The following CHST9 variants were observed in gnomAD, a reference collection of about 807,000 sequenced individuals.
CHST9 encodes the protein carbohydrate sulfotransferase 9, also known as GalNAc-4-sulfotransferase 2.
CHST9 carries 41 observed loss-of-function variants against 44.4 expected under a neutral mutation model. That is an observed-to-expected ratio of 0.92 (90% CI 0.72 to 1.20). The LOEUF is 1.20. Ranked by LOEUF, CHST9 falls within the 50% of genes most tolerant of loss-of-function variation. CHST9 has a pLI of 0.00. For synonymous variants in CHST9, 171 were observed against 178.4 expected (o/e 0.96, Z 0.33); for missense variants, 504 against 516.5 (o/e 0.98, Z 0.23).
chr18:26,982,339 CTTTTT>C (rs34211889), intron 4 of CHST9, among the ~76,000 whole-genome samples: 2 of 133,716 alleles, frequency 1.5e-5, no homozygotes, highest in Admixed American at 7.6e-5. Context: ...CTCCTTTTAC[CTTTTT>C]TTTTTTTTTT....
intron 1 of CHST9, among the ~76,000 whole-genome samples, chr18:27,152,319 A>C (rs1254399313): frequency 6.7e-6 from 1 of 149,816 alleles, no homozygotes; most frequent in Non-Finnish European, 1.5e-5. Flanking sequence ...CATATTTTAC[A>C]TTCTAGTATT....
intron 2 of CHST9, among the ~76,000 whole-genome samples, chr18:27,138,133 C>T (rs2058532487): frequency 6.6e-6 from 1 of 152,204 alleles, no homozygotes; most frequent in Non-Finnish European, 1.5e-5. Flanking sequence ...TGTCTCTTTT[C>T]TGTCACAAAG....
chr18:27,047,421 T>TGTGTGTGTGTGTGTG (rs1555679287), intron 3 of CHST9, among the ~76,000 whole-genome samples: 6 of 150,570 alleles, frequency 4.0e-5, no homozygotes, highest in African/African-American at 4.9e-5. Flanking sequence ...TGTGTGTGTG[T>TGTGTGTGTGTGTGTG]TCATGATCAG....
At chr18:26,925,923 A>G (rs1479028994) in intron 5 of CHST9, 4 of 152,150 alleles carry the variant, frequency 2.6e-5, no homozygotes, top group East Asian at 3.8e-4. Flanking sequence ...TCTCTCTCAC[A>G]ACATGTAGCA....
intron 1 of CHST9, among the ~76,000 whole-genome samples, chr18:27,179,177 T>C (rs891487038): frequency 2.6e-5 from 4 of 151,810 alleles, no homozygotes; most frequent in African/African-American, 9.7e-5. Context: ...CTAAGACCAC[T>C]AAAATATTAC....
chr18:26,932,522 G>A (rs997718955), intron 5 of CHST9, among the ~76,000 whole-genome samples: 5 of 151,932 alleles, frequency 3.3e-5, no homozygotes, highest in African/African-American at 4.8e-5. Context: ...AGCACTTGTG[G>A]AGCTGTGTGT....
intron 1 of CHST9, among the ~76,000 whole-genome samples, chr18:27,176,441 G>A (rs943421790): frequency 6.6e-6 from 1 of 151,880 alleles, no homozygotes; most frequent in Non-Finnish European, 1.5e-5. Context: ...ATTAATTTTG[G>A]AGGTCAAAAT....
chr18:27,103,163 AT>A (rs1461597387), intron 2 of CHST9, among the ~76,000 whole-genome samples: 1 of 152,158 alleles, frequency 6.6e-6, no homozygotes, highest in African/African-American at 2.4e-5. Flanking sequence ...TTTTCCTTTT[AT>A]TGTTAAAATG....
At chr18:26,993,954 G>T (rs913118695) in intron 4 of CHST9, among the ~76,000 whole-genome samples, 2 of 152,204 alleles carry the variant, frequency 1.3e-5, no homozygotes, top group Non-Finnish European at 2.9e-5. Context: ...CTCTCTCCTC[G>T]GCTGGGGGAT....
At chr18:26,999,930 A>G (rs1221723872) in intron 4 of CHST9, among the ~76,000 whole-genome samples, 1 of 152,242 alleles carries the variant, frequency 6.6e-6, no homozygotes, top group East Asian at 1.9e-4. Context: ...AAAGCCAACT[A>G]TTTAGTAGCT....
chr18:27,101,453 T>C (rs1021702897), intron 2 of CHST9, among the ~76,000 whole-genome samples: 1 of 124,276 alleles, frequency 8.0e-6, no homozygotes, highest in African/African-American at 3.0e-5. Context: ...ATTAGCCGGG[T>C]GCGGTGGCGG....
chr18:27,044,625 A>C (rs1260112231), intron 3 of CHST9, among the ~76,000 whole-genome samples: 1 of 152,078 alleles, frequency 6.6e-6, no homozygotes, highest in Admixed American at 6.6e-5. Flanking sequence ...GTTGGTCACC[A>C]ATAATTAAAA....
chr18:27,041,699 A>T (rs554954181), intron 3 of CHST9, among the ~76,000 whole-genome samples: 1 of 152,288 alleles, frequency 6.6e-6, no homozygotes, highest in East Asian at 1.9e-4. Context: ...TAGTCTGCAT[A>T]CACACACTCC....
intron 4 of CHST9, among the ~76,000 whole-genome samples, chr18:27,002,767 A>T (rs1481786618): frequency 6.6e-6 from 1 of 152,226 alleles, no homozygotes; most frequent in Non-Finnish European, 1.5e-5. Flanking sequence ...CAGTTCACAG[A>T]AAAGCAAATA....
intron 4 of CHST9, among the ~76,000 whole-genome samples, chr18:26,975,723 GTGTATATATATATATATATATATATATA>G (rs2056613830): frequency 1.7e-5 from 1 of 59,352 alleles, no homozygotes; most frequent in Non-Finnish European, 3.2e-5. Flanking sequence ...GTGTGTGTGT[GTGTATATATATATATATATATATATATA>G]TATATATATA....
chr18:27,069,932 A>G (rs897978169), intron 2 of CHST9, among the ~76,000 whole-genome samples: 1 of 152,238 alleles, frequency 6.6e-6, no homozygotes, highest in Non-Finnish European at 1.5e-5. Context: ...TTTTAAGAAC[A>G]TGAATTAAAT....
At chr18:27,162,362 T>C (rs2058754417) in intron 1 of CHST9, among the ~76,000 whole-genome samples, 1 of 151,980 alleles carries the variant, frequency 6.6e-6, no homozygotes, top group South Asian at 2.1e-4. Flanking sequence ...TCTCCTTCAC[T>C]TATGAAGCTT....
chr18:27,008,227 T>C (rs2057040910), intron 4 of CHST9, among the ~76,000 whole-genome samples: 1 of 152,180 alleles, frequency 6.6e-6, no homozygotes. Flanking sequence ...GTGCCTTCTA[T>C]TAACTTCTCT....
intron 2 of CHST9, among the ~76,000 whole-genome samples, chr18:27,052,955 A>T (rs4800784): frequency 0.33 from 50,499 of 151,386 alleles, 9,741 homozygotes; most frequent in Non-Finnish European, 0.45. Context: ...GAGCATTATG[A>T]CAAATACCTA....
Sources: allele counts gnomAD v4.1 joint callset (sites outside exome capture counted in the v4.1 genomes callset), GRCh38; gene constraint gnomAD v4.1.1; transcripts MANE v1.5; gene names NCBI Gene and HGNC (gene_info 2026-07-23, HGNC 2026-07-21).